Variants in BCAS3 observed in about 807,000 individuals in gnomAD.
The protein encoded by BCAS3 is BCAS4/BCAS3 fusion.
BCAS3 carries 53 observed loss-of-function variants against 116.1 expected under a neutral mutation model. The ratio of observed to expected loss-of-function variants is 0.46; its 90% CI spans 0.37 to 0.57. BCAS3 has a LOEUF of 0.57. BCAS3 is among the 20% of genes least tolerant of loss of function. The pLI, the probability that BCAS3 is intolerant of heterozygous loss-of-function variation, is 0.00. For synonymous variants in BCAS3, 391 were observed against 408.2 expected, an observed-to-expected ratio of 0.96 and a Z score of 0.51; for missense variants, 917 against 1,165.4, an observed-to-expected ratio of 0.79 and a Z score of 3.10.
chr17:61,385,031 G>C (rs539457320), intron 23 of BCAS3, among the ~76,000 whole-genome samples: 6 of 152,342 alleles, frequency 3.9e-5, no homozygotes, highest in African/African-American at 1.4e-4. Context: ...AAGTGCCCTG[G>C]GGGCTGAGGC....
chr17:61,198,145 CT>C lies in BCAS3; in HGVS notation c.2425+113594del, dbSNP rs1185530206. ...AGTGCAAGATATGTTTTTTTTTTTTCTTTTTTTTTTTTTGAGACGGAGTCTC... is the reference window on the plus strand; with the variant it reads ...AGTGCAAGATATGTTTTTTTTTTTTCTTTTTTTTTTTTGAGACGGAGTCTC... On this transcript the variant is annotated intron_variant, in intron 22 of 23. Transcript: ENST00000407086. This position sits in a 1 kb window ranked among gnomAD's most constrained non-coding sequence, Gnocchi z 5.0. 5.6e-4 allele frequency among the ~76,000 whole-genome samples: 66 copies of C among 118,374 alleles called. No homozygotes were observed. Among genetic ancestry groups the C allele is most frequent in the Non-Finnish European group, 6.5e-4 (35 of 54,224 alleles). 77.7% of individuals were successfully genotyped at this position (118,374 alleles called of 152,430 possible). A position where few individuals can be genotyped will look rare whatever the true frequency, so the allele number is the denominator to read the frequency against.
rs1953555138 is a variant in BCAS3, at chr17:61,349,081, T to G, written c.2426-19246T>G. 6.6e-6 allele frequency among the ~76,000 whole-genome samples: 1 copy of G among 152,176 alleles called. No individual in the cohort carries two copies. The highest frequency in any genetic ancestry group is 1.5e-5 in the Non-Finnish European group (1 of 68,028). The stretch of plus-strand genomic sequence containing the variant: ...TGGGCAGAGATTCTTAAGGCTGGAT[T>G]TGAGGACCCGTGCTTTGGAGCAGTG... On this transcript the variant is annotated intron_variant, in intron 22 of 23. Transcript: ENST00000407086. This position sits in a 1 kb window ranked among gnomAD's most constrained non-coding sequence, Gnocchi z 4.7.
intron 15 of BCAS3, among the ~76,000 whole-genome samples, chr17:61,014,059 G>A (rs1278252678): frequency 2.0e-5 from 3 of 151,926 alleles, no homozygotes; most frequent in Non-Finnish European, 2.9e-5. Context: ...ACATAAATTG[G>A]TCAACTTAAT....
intron 2 of BCAS3, 134 bp from the exon 3 acceptor site, chr17:60,683,848 A>G (rs982256514): frequency 1.1e-5 from 9 of 790,814 alleles, no homozygotes; most frequent in African/African-American, 1.7e-5. Flanking sequence ...AAACAAAACA[A>G]AACAAACAAA....
intron 6 of BCAS3, among the ~76,000 whole-genome samples, chr17:60,767,944 G>T (rs1202855878): frequency 6.6e-6 from 1 of 152,134 alleles, no homozygotes; most frequent in Non-Finnish European, 1.5e-5. Context: ...GGAATGACAG[G>T]CATGTGCCAC....
rs2067537865 is a variant in BCAS3, at chr17:61,041,872, T to C, written c.2029+980T>C. Among the ~76,000 whole-genome samples the C allele has an allele frequency of 6.6e-6, 1 of 152,052 alleles. No individual in the cohort carries two copies. The highest frequency in any genetic ancestry group is 1.5e-5 in the Non-Finnish European group (1 of 67,960). On this transcript the variant is annotated intron_variant, in intron 19 of 23. Transcript: ENST00000407086. The surrounding 1 kb of genome is among the most constrained non-coding windows in gnomAD (Gnocchi z 4.7). Reference sequence around the variant, plus strand: ...CTTTTTCTAGGGCATTTTTATTGAGTGCCTACTATGTGTGAGGCAGTTCTG... The same window carrying C: ...CTTTTTCTAGGGCATTTTTATTGAGCGCCTACTATGTGTGAGGCAGTTCTG...
rs2082185544 is a variant in BCAS3 at position 61,222,913 on chromosome 17, GT to G, written c.2425+138352del. On this transcript the variant is annotated intron_variant, in intron 22 of 23. Coordinates refer to ENST00000407086, the MANE Select transcript of BCAS3 (RefSeq NM_017679.5). The surrounding 1 kb of genome is among the most constrained non-coding windows in gnomAD (Gnocchi z 6.1). The stretch of plus-strand genomic sequence containing the variant: ...TTCTGAAAGATGGGGGTTGTAATTT[GT>G]TTGCTGTTTAGGAGCCAGCCCTTCA... Among the ~76,000 whole-genome samples, 1 of 152,076 alleles carries G rather than the reference GT, an allele frequency of 6.6e-6. No homozygotes were observed. Among genetic ancestry groups the G allele is most frequent in the Non-Finnish European group, 1.5e-5 (1 of 68,018 alleles).
chr17:61,022,658 T>C (rs1190226301), intron 16 of BCAS3, among the ~76,000 whole-genome samples: 1 of 152,188 alleles, frequency 6.6e-6, no homozygotes, highest in Non-Finnish European at 1.5e-5. Flanking sequence ...ATTATCAATG[T>C]TTTTTTCCTA....
intron 2 of BCAS3, among the ~76,000 whole-genome samples, chr17:60,680,134 C>CAA (rs11442352): frequency 0.048 from 5,136 of 107,548 alleles, 271 homozygotes; most frequent in African/African-American, 0.11. Context: ...ACTCTGTCTC[C>CAA]AAAAAAAAAA....
intron 6 of BCAS3, among the ~76,000 whole-genome samples, chr17:60,793,068 T>C (rs1371590256): frequency 4.6e-5 from 7 of 151,920 alleles, no homozygotes; most frequent in Non-Finnish European, 1.0e-4. Context: ...TGTGACAGGA[T>C]TTCCTTCTTT....
intron 22 of BCAS3, among the ~76,000 whole-genome samples, chr17:61,138,486 G>A (rs989950580): frequency 4.6e-5 from 7 of 152,162 alleles, no homozygotes; most frequent in Non-Finnish European, 8.8e-5. Flanking sequence ...TTACTCTGCT[G>A]GGGGTAAATT....
chr17:61,062,019 C>T (rs2070106250), intron 19 of BCAS3, among the ~76,000 whole-genome samples: 1 of 152,186 alleles, frequency 6.6e-6, no homozygotes, highest in Non-Finnish European at 1.5e-5. Context: ...ACATAACCCA[C>T]TATGCAATAA....
At position 61,233,579 on chromosome 17, in the gene BCAS3, C is replaced by G. The variant is rs995468050; in HGVS notation, c.2426-134748C>G. ...CTTGATTTGGAGATGAAGCATATACCGAACTTGAAGACTGGAGAGGTATTT... is the reference window on the plus strand; with the variant it reads ...CTTGATTTGGAGATGAAGCATATACGGAACTTGAAGACTGGAGAGGTATTT... On this transcript the variant is annotated intron_variant, in intron 22 of 23. Transcript: ENST00000407086. The surrounding 1 kb of genome is among the most constrained non-coding windows in gnomAD (Gnocchi z 4.3). 2.2e-4 allele frequency among the ~76,000 whole-genome samples: 34 copies of G among 152,124 alleles called. No homozygotes were observed. The highest frequency in any genetic ancestry group is 8.2e-4 in the African/African-American group (34 of 41,420).
rs180756598 is a variant in BCAS3, at chr17:61,302,363, T to G, written c.2426-65964T>G. On this transcript the variant is annotated intron_variant, in intron 22 of 23. Transcript: ENST00000407086. The surrounding 1 kb of genome is among the most constrained non-coding windows in gnomAD (Gnocchi z 4.4). ...ACTCATGTCCACTTAATGTGAAAAT[T>G]GGTACCATCTAATAGAATCTTCAAC... Among the ~76,000 whole-genome samples the G allele has an allele frequency of 1.5e-4, 23 of 152,346 alleles. No homozygotes were observed. In the East Asian group the frequency reaches 4.2e-3, roughly 28 times the overall value.
chr17:60,933,042 G>T (rs960733886), intron 13 of BCAS3, among the ~76,000 whole-genome samples: 1 of 152,046 alleles, frequency 6.6e-6, no homozygotes, highest in Non-Finnish European at 1.5e-5. Flanking sequence ...GGGTGTAGTG[G>T]CACACGCCTG....
intron 12 of BCAS3, among the ~76,000 whole-genome samples, chr17:60,911,883 T>TA (rs1454882453): frequency 6.6e-6 from 1 of 152,226 alleles, no homozygotes; most frequent in Non-Finnish European, 1.5e-5. Flanking sequence ...TGTGAAATCT[T>TA]AAAGTAGCAT....
Position 61,307,182 on chromosome 17 carries a change from G to A in BCAS3, c.2426-61145G>A, listed in dbSNP as rs1402707548. Among the ~76,000 whole-genome samples the A allele has an allele frequency of 6.6e-6, 1 of 152,234 alleles. No individual in the cohort carries two copies. The highest frequency in any genetic ancestry group is 6.5e-5 in the Admixed American group (1 of 15,278). ...AGAGCCTAGCCTAGTGCCGGCCCAA[G>A]TTGGGACTTGCTGAACATTGGTTTC... On this transcript the variant is annotated intron_variant, in intron 22 of 23. Transcript: ENST00000407086. The surrounding 1 kb of genome is among the most constrained non-coding windows in gnomAD (Gnocchi z 4.7).
intron 7 of BCAS3, among the ~76,000 whole-genome samples, chr17:60,831,364 A>G (rs1036333124): frequency 1.3e-5 from 2 of 151,126 alleles, no homozygotes; most frequent in Non-Finnish European, 2.9e-5. Context: ...TTTAGTAGAG[A>G]CAGGATTTCA....
rs553052643 is a variant in BCAS3 at position 61,241,916 on chromosome 17, A to G, written c.2426-126411A>G. ...TTCTTGTTTGTTTGTTGTTTACTAA[A>G]GAGGAATCATTTCTCAGTGTTAAGT... On this transcript the variant is annotated intron_variant, in intron 22 of 23. Transcript: ENST00000407086. This position sits in a 1 kb window ranked among gnomAD's most constrained non-coding sequence, Gnocchi z 4.6. Among the ~76,000 whole-genome samples the G allele has an allele frequency of 4.6e-4, 70 of 152,294 alleles. No homozygotes were observed. Among genetic ancestry groups the G allele is most frequent in the African/African-American group, 1.3e-3 (53 of 41,570 alleles).
Sources: gnomAD v4.1 joint callset for allele counts (sites outside exome capture counted in the v4.1 genomes callset) on GRCh38, gnomAD v4.1.1 for gene constraint, Gnocchi (gnomAD v3.1) non-coding constraint, MANE v1.5 for transcripts, NCBI Gene and HGNC (gene_info 2026-07-23, HGNC 2026-07-21) for gene names.